DENND6B: variants seen among roughly 807,000 people sequenced by gnomAD.
DENND6B encodes the protein protein DENND6B.
A neutral mutation model predicts 85.1 loss-of-function variants in DENND6B; 73 were observed. The ratio of observed to expected loss-of-function variants is 0.86; its 90% CI spans 0.71 to 1.04. The LOEUF (loss-of-function observed/expected upper bound fraction) is 1.04. DENND6B is among the 50% of genes least tolerant of loss of function. DENND6B has a pLI of 0.00. For synonymous variants in DENND6B, 357 were observed against 329.3 expected, an observed-to-expected ratio of 1.08 and a Z score of -0.91; for missense variants, 715 against 785.8, an observed-to-expected ratio of 0.91 and a Z score of 1.08.
chr22:50,313,893 C>G lies in DENND6B; in HGVS notation c.1139-15G>C. ...GGTGTAGAGGCCTGGCGGGAGGGCA[C>G]AGCTGGCGCCCCACCCTTCAAGGGC... On this transcript the variant is annotated splice_polypyrimidine_tract_variant and intron_variant, in intron 13 of 19. Coordinates refer to ENST00000413817, the MANE Select transcript of DENND6B (RefSeq NM_001001794.4). The G allele has an allele frequency of 6.2e-7, 1 of 1,601,928 alleles. No individual in the cohort carries two copies. Among genetic ancestry groups the G allele is most frequent in the South Asian group, 1.1e-5 (1 of 89,472 alleles).
At chr22:50,317,634 C>T (rs1472909132) in intron 4 of DENND6B, among the ~76,000 whole-genome samples, 1 of 152,122 alleles carries the variant, frequency 6.6e-6, no homozygotes, top group African/African-American at 2.4e-5. Flanking sequence ...GGCTGGGGGC[C>T]CTGGGAGGGC....
Position 50,314,220 on chromosome 22 carries a change from C to T in DENND6B, c.1125G>A (p.Leu375=). ...GGGAGCACAGACCTGGCTTGGTGTC[C>T]AGGGTCTTCAACCTTGAAGGCTTTT... ...KLKKPSRLKT[L]DTKPGLYTAY... The change falls in exon 13 of 20, where the codon CTG becomes CTA. Residue 375 remains leucine, a synonymous_variant. Coordinates refer to ENST00000413817, the MANE Select transcript of DENND6B (RefSeq NM_001001794.4). 1 of 1,606,948 alleles carries T rather than the reference C, an allele frequency of 6.2e-7. No individual in the cohort carries two copies. Among genetic ancestry groups the T allele is most frequent in the Non-Finnish European group, 8.5e-7 (1 of 1,179,098 alleles).
Position 50,314,929 on chromosome 22 carries a change from C to G in DENND6B, c.759-8G>C, listed in dbSNP as rs529096203. 6 of 1,607,432 alleles carry G rather than the reference C, an allele frequency of 3.7e-6. No individual in the cohort carries two copies. Among genetic ancestry groups the G allele is most frequent in the Non-Finnish European group, 5.1e-6 (6 of 1,176,274 alleles). Reference sequence around the variant, plus strand: ...AGCACAGGCCGGAAGCACCTGGGGCCGGGCAGGAAGGTCGGGGAGGTCAGG... The same window carrying G: ...AGCACAGGCCGGAAGCACCTGGGGCGGGGCAGGAAGGTCGGGGAGGTCAGG... On this transcript the variant is annotated splice_polypyrimidine_tract_variant and splice_region_variant and intron_variant, in intron 9 of 19. Coordinates refer to ENST00000413817, the MANE Select transcript of DENND6B (RefSeq NM_001001794.4).
At position 50,312,278 on chromosome 22, in the gene DENND6B, G is replaced by C; in HGVS notation, c.1636-17C>G. 6.2e-7 allele frequency: 1 copy of C among 1,611,798 alleles called. No homozygotes were observed. The highest frequency in any genetic ancestry group is 8.5e-7 in the Non-Finnish European group (1 of 1,179,518). On this transcript the variant is annotated splice_polypyrimidine_tract_variant and intron_variant, in intron 19 of 19. Transcript: ENST00000413817. Reference sequence around the variant, plus strand: ...AGCCCGCACCTGGAGGGGCAGCCATGGTCAGGGCAGGCGCAGCTCCGTGCC... The same window carrying C: ...AGCCCGCACCTGGAGGGGCAGCCATCGTCAGGGCAGGCGCAGCTCCGTGCC...
intron 7 of DENND6B, 24 bp from the exon 8 acceptor site, chr22:50,316,111 C>T: frequency 6.2e-7 from 1 of 1,612,692 alleles, no homozygotes; most frequent in Non-Finnish European, 8.5e-7. Flanking sequence ...GGAGCAGCTG[C>T]CAGAGGGAGT....
rs765909361 is a variant in DENND6B at position 50,313,834 on chromosome 22, G to A, written c.1183C>T (p.Leu395=). 5.6e-6 allele frequency: 9 copies of A among 1,612,072 alleles called. No individual in the cohort carries two copies. In the Admixed American group the frequency reaches 8.3e-5, roughly 15 times the overall value. ...TATACCTTGAGCAGCCGTTTGAGCA[G>A]CGCCTTGTCGCGGTGGAGGTGGGCC... is the stretch of plus-strand genomic sequence containing the variant. The part of the protein sequence containing the change: ...YTAHLHRDKA[L]LKRLLKGVQK... The change falls in exon 14 of 20, where the codon CTG becomes TTG. Residue 395 remains leucine, a synonymous_variant. Transcript: ENST00000413817.
chr22:50,318,039 AC>A lies in DENND6B; in HGVS notation c.260-20del, dbSNP rs774912252. The A allele has an allele frequency of 7.1e-5, 115 of 1,610,664 alleles. No homozygotes were observed. Among genetic ancestry groups the A allele is most frequent in the Non-Finnish European group, 9.5e-5 (112 of 1,178,982 alleles). The stretch of plus-strand genomic sequence containing the variant: ...AGGCAGCCTAAGAAGGGGCAGCCCC[AC>A]CACACGGGTCAAGGCCGGGAGCCTC... On this transcript the variant is annotated intron_variant, in intron 3 of 19. Transcript: ENST00000413817.
At position 50,312,607 on chromosome 22, in the gene DENND6B, G is replaced by C; in HGVS notation, c.1476C>G (p.Pro492=). ...GCTGCCGGTACCAGCCATCAAAATGGGGGGACTTGAAAAACCGCCTGTGGG... is the reference window on the plus strand; with the variant it reads ...GCTGCCGGTACCAGCCATCAAAATGCGGGGACTTGAAAAACCGCCTGTGGG... ...LGLYRRFFKS[P]HFDGWYRQRH... Residue 492 remains proline, a synonymous_variant, in exon 18 of 20, where the codon CCC becomes CCG. Coordinates refer to ENST00000413817, the MANE Select transcript of DENND6B (RefSeq NM_001001794.4). The C allele has an allele frequency of 6.3e-7, 1 of 1,581,024 alleles. No individual in the cohort carries two copies.
chr22:50,325,764 T>G (rs1306720099), intron 1 of DENND6B, among the ~76,000 whole-genome samples: 2 of 152,118 alleles, frequency 1.3e-5, no homozygotes, highest in Non-Finnish European at 2.9e-5. Context: ...AGTGATGCTG[T>G]TTGAGGCTGT....
Position 50,314,594 on chromosome 22 carries a change from G to A in DENND6B, c.977+11C>T. On this transcript the variant is annotated intron_variant, in intron 11 of 19. Coordinates refer to ENST00000413817, the MANE Select transcript of DENND6B (RefSeq NM_001001794.4). The stretch of plus-strand genomic sequence containing the variant: ...AGCAAGGGCAAGAGGCGGGGCAGAG[G>A]CGGCACTTACGGGGCCTGCGTGCGT... 1 of 1,558,752 alleles carries A rather than the reference G, an allele frequency of 6.4e-7. No individual in the cohort carries two copies. The highest frequency in any genetic ancestry group is 8.7e-7 in the Non-Finnish European group (1 of 1,151,536).
At chr22:50,319,475 C>G (rs1293762232) in intron 1 of DENND6B, 1 of 985,292 alleles carries the variant, frequency 1.0e-6, no homozygotes, top group Non-Finnish European at 1.2e-6. Flanking sequence ...CCTGCCCCTA[C>G]CCACCCGGAC....
intron 1 of DENND6B, among the ~76,000 whole-genome samples, chr22:50,321,324 G>A (rs952644050): frequency 6.6e-6 from 1 of 152,182 alleles, no homozygotes; most frequent in Non-Finnish European, 1.5e-5. Context: ...GTGCTGATGA[G>A]AATCCAGCTG....
Position 50,314,624 on chromosome 22 carries a change from T to C in DENND6B, c.958A>G (p.Thr320Ala). The change falls in exon 11 of 20, where the codon ACC becomes GCC. Residue 320 changes from threonine (T) to alanine (A), a missense_variant. Thr to Ala is a moderately conservative substitution (Grantham distance 58, BLOSUM62 0). Transcript: ENST00000413817. ...ACTTACGGGGCCTGCGTGCGTGTGG[T>C]GAACTCCTTGAACTCGCTGTCATGG... ...TIHDSEFKEF[T>A]TRTQAPPNVV... 3 of 1,564,286 alleles carry C rather than the reference T, an allele frequency of 1.9e-6. No individual in the cohort carries two copies. The highest frequency in any genetic ancestry group is 1.7e-6 in the Non-Finnish European group (2 of 1,154,854).
chr22:50,320,852 G>T (rs982890063), intron 1 of DENND6B, among the ~76,000 whole-genome samples: 2 of 152,214 alleles, frequency 1.3e-5, no homozygotes, highest in Non-Finnish European at 2.9e-5. Flanking sequence ...TGCCCAGGGG[G>T]CCCTCAGCAT....
At chr22:50,324,529 AT>A (rs1368903251) in intron 1 of DENND6B, among the ~76,000 whole-genome samples, 1 of 152,100 alleles carries the variant, frequency 6.6e-6, no homozygotes, top group Non-Finnish European at 1.5e-5. Context: ...GGTTCAAGCG[AT>A]TTGCCTGCCT....
At chr22:50,313,930 A>T (rs1418161731) in intron 13 of DENND6B, 52 bp from the exon 14 acceptor site, 3 of 1,545,378 alleles carry the variant, frequency 1.9e-6, no homozygotes, top group South Asian at 1.2e-5. Context: ...TCCCTCCCAC[A>T]CTCCTGCAGC....
chr22:50,318,761 C>T (rs546357054), intron 3 of DENND6B, 86 bp downstream of exon 3: 95 of 1,570,286 alleles, frequency 6.0e-5, no homozygotes, highest in Non-Finnish European at 7.4e-5. Flanking sequence ...CCGGGGCAGC[C>T]GAGGCAGCCA....
chr22:50,325,390 C>A (rs1156364280), intron 1 of DENND6B, among the ~76,000 whole-genome samples: 1 of 140,974 alleles, frequency 7.1e-6, no homozygotes, highest in East Asian at 2.0e-4. Flanking sequence ...CAAGCTGGAG[C>A]GCAATGGTGC....
At position 50,316,179 on chromosome 22, in the gene DENND6B, C is replaced by G; in HGVS notation, c.634G>C (p.Val212Leu). Residue 212 changes from valine to leucine, a missense_variant, in exon 7 of 20, where the codon GTC becomes CTC. Coordinates refer to ENST00000413817, the MANE Select transcript of DENND6B (RefSeq NM_001001794.4). Reference sequence around the variant, plus strand: ...CCCAGCCAGCTGGCTCTCACCTGGACAACAACGCCCATGACAGGTAGGTTC... The same window carrying G: ...CCCAGCCAGCTGGCTCTCACCTGGAGAACAACGCCCATGACAGGTAGGTTC... Reference protein sequence around the residue: ...TLNLPVMGVVVQVRIPSRVDK... With the variant: ...TLNLPVMGVVLQVRIPSRVDK... The G allele has an allele frequency of 6.2e-7, 1 of 1,612,392 alleles. No homozygotes were observed. The highest frequency in any genetic ancestry group is 8.5e-7 in the Non-Finnish European group (1 of 1,179,846).
Sources: gnomAD v4.1 joint callset for allele counts (sites outside exome capture counted in the v4.1 genomes callset) on GRCh38, gnomAD v4.1.1 for gene constraint, MANE v1.5 for transcripts, NCBI Gene and HGNC (gene_info 2026-07-23, HGNC 2026-07-21) for gene names.